Variants in CRYBG1 observed in about 807,000 individuals in gnomAD.
CRYBG1 encodes beta/gamma crystallin domain-containing protein 1.
A neutral mutation model predicts 189.2 loss-of-function variants in CRYBG1; 139 were observed. The observed-to-expected ratio is 0.73, with a 90% CI of 0.64 to 0.85. The LOEUF is 0.85. Among genes scored for constraint, CRYBG1 ranks in the 40% least tolerant of loss-of-function variants. The pLI, the probability that CRYBG1 is intolerant of heterozygous loss-of-function variation, is 0.00. For synonymous variants in CRYBG1, 1,023 were observed against 1,017.1 expected, an observed-to-expected ratio of 1.01 and a Z score of -0.11; for missense variants, 2,611 against 2,675.8, an observed-to-expected ratio of 0.98 and a Z score of 0.53.
intron 2 of CRYBG1, among the ~76,000 whole-genome samples, chr6:106,462,234 T>G (rs555639220): frequency 3.2e-4 from 48 of 152,166 alleles, no homozygotes; most frequent in African/African-American, 8.7e-4. Context: ...GCAGTGGCGC[T>G]ATCTCGGCTC....
At chr6:106,374,604 C>A in intron 1 of CRYBG1, among the ~76,000 whole-genome samples, 1 of 152,076 alleles carries the variant, frequency 6.6e-6, no homozygotes. Flanking sequence ...GATAAAAGAA[C>A]TTAATCCTCA....
At chr6:106,405,565 C>T (rs1292248744) in intron 1 of CRYBG1, among the ~76,000 whole-genome samples, 2 of 152,228 alleles carry the variant, frequency 1.3e-5, no homozygotes, top group African/African-American at 2.4e-5. Context: ...CAAGTGGGTC[C>T]CTGACCCCCG....
At chr6:106,538,740 G>T (rs1218830448) in intron 8 of CRYBG1, among the ~76,000 whole-genome samples, 3 of 151,812 alleles carry the variant, frequency 2.0e-5, no homozygotes, top group Non-Finnish European at 4.4e-5. Context: ...AAAAAAAAAT[G>T]CAAAACTTAG....
intron 2 of CRYBG1, among the ~76,000 whole-genome samples, chr6:106,500,256 T>C (rs535657286): frequency 6.6e-6 from 1 of 152,190 alleles, no homozygotes; most frequent in African/African-American, 2.4e-5. Flanking sequence ...ATAATGGCTA[T>C]ACTAATTTAT....
In CRYBG1 at chr6:106,568,903, T is replaced by C. The variant is rs201957044; in HGVS notation, c.*337T>C. On this transcript the variant is annotated 3_prime_UTR_variant, in exon 22 of 22. Transcript: ENST00000633556. Reference sequence around the variant, plus strand: ...GTACATTTTAAATTATTTCCAAAGATAGTGACAGGAGAGAACTGGAACAAA... The same window carrying C: ...GTACATTTTAAATTATTTCCAAAGACAGTGACAGGAGAGAACTGGAACAAA... 9.8e-5 allele frequency: 20 copies of C among 204,836 alleles called. No individual in the cohort carries two copies. The East Asian group carries it at 2.1e-3, about 21-fold the overall frequency. The allele number at this position is 204,836 out of a possible 1,614,324, so 12.7% of individuals were successfully genotyped here. A position where few individuals can be genotyped will look rare whatever the true frequency, so the allele number is the denominator to read the frequency against.
At chr6:106,362,786 A>G (rs1771905456) in intron 1 of CRYBG1, among the ~76,000 whole-genome samples, 1 of 152,206 alleles carries the variant, frequency 6.6e-6, no homozygotes, top group Admixed American at 6.5e-5. Flanking sequence ...ACAGTATTTA[A>G]TGTACCCAAC....
At chr6:106,472,313 C>G (rs1411827024) in intron 2 of CRYBG1, among the ~76,000 whole-genome samples, 1 of 152,018 alleles carries the variant, frequency 6.6e-6, no homozygotes, top group Non-Finnish European at 1.5e-5. Flanking sequence ...AATTGGATGT[C>G]TATAGATAAA....
intron 2 of CRYBG1, among the ~76,000 whole-genome samples, chr6:106,475,501 T>G (rs574586789): frequency 6.6e-6 from 1 of 152,076 alleles, no homozygotes; most frequent in Non-Finnish European, 1.5e-5. Context: ...TGAGGTGATA[T>G]TTGGGAAGGA....
At chr6:106,436,701 A>G (rs1051277305) in intron 1 of CRYBG1, among the ~76,000 whole-genome samples, 5 of 152,200 alleles carry the variant, frequency 3.3e-5, no homozygotes, top group Non-Finnish European at 4.4e-5. Flanking sequence ...TTACTTAGTC[A>G]TTACCTGAAT....
chr6:106,453,874 C>T (rs976435653), intron 2 of CRYBG1, among the ~76,000 whole-genome samples: 6 of 152,124 alleles, frequency 3.9e-5, no homozygotes, highest in African/African-American at 1.4e-4. Flanking sequence ...GGCTTGAAGC[C>T]GCAGATGAAC....
intron 1 of CRYBG1, among the ~76,000 whole-genome samples, chr6:106,441,939 T>C (rs1189592201): frequency 2.0e-5 from 3 of 152,216 alleles, no homozygotes; most frequent in Non-Finnish European, 4.4e-5. Context: ...TATATTATTA[T>C]CAAAAGGCAT....
chr6:106,472,602 A>T (rs189963579), intron 2 of CRYBG1, among the ~76,000 whole-genome samples: 7 of 148,472 alleles, frequency 4.7e-5, no homozygotes, highest in African/African-American at 1.7e-4. Flanking sequence ...GCTTATTGAA[A>T]AGTATATTCT....
chr6:106,526,810 A>T (rs1773747667), intron 6 of CRYBG1, among the ~76,000 whole-genome samples: 1 of 151,898 alleles, frequency 6.6e-6, no homozygotes, highest in Non-Finnish European at 1.5e-5. Flanking sequence ...GCTTGGTGGC[A>T]CATTCCTGTA....
intron 2 of CRYBG1, among the ~76,000 whole-genome samples, chr6:106,476,313 T>C (rs1442497580): frequency 6.6e-6 from 1 of 152,168 alleles, no homozygotes; most frequent in East Asian, 1.9e-4. Flanking sequence ...TGTGAGTTTG[T>C]TCTCGGGATG....
chr6:106,543,624 T>C, intron 11 of CRYBG1, 27 bp downstream of exon 11: 1 of 1,591,474 alleles, frequency 6.3e-7, no homozygotes, highest in Non-Finnish European at 8.5e-7. Context: ...CTTGTTAGGA[T>C]TTCTTTTTTT....
At chr6:106,490,279 C>T (rs1772691505) in intron 2 of CRYBG1, among the ~76,000 whole-genome samples, 1 of 152,210 alleles carries the variant, frequency 6.6e-6, no homozygotes, top group Admixed American at 6.5e-5. Flanking sequence ...GTGGCATAAC[C>T]ATCTTTAAGC....
intron 1 of CRYBG1, among the ~76,000 whole-genome samples, chr6:106,388,063 T>C (rs1248137982): frequency 6.6e-6 from 1 of 152,200 alleles, no homozygotes; most frequent in Non-Finnish European, 1.5e-5. Flanking sequence ...CAGTTATTAC[T>C]GGCACTCCCT....
At chr6:106,568,410 G>A (rs1582847935) in intron 21 of CRYBG1, 62 bp from the exon 22 acceptor site, 1 of 1,294,122 alleles carries the variant, frequency 7.7e-7, no homozygotes, top group Non-Finnish European at 1.1e-6. Context: ...TAGGGGAATT[G>A]TGTCTGCTAT....
At chr6:106,437,858 C>A (rs1481838205) in intron 1 of CRYBG1, among the ~76,000 whole-genome samples, 1 of 152,154 alleles carries the variant, frequency 6.6e-6, no homozygotes, top group Non-Finnish European at 1.5e-5. Context: ...TCTTTAGCCA[C>A]CAGGAATTAT....
Sources: allele counts gnomAD v4.1 joint callset (sites outside exome capture counted in the v4.1 genomes callset), GRCh38; gene constraint gnomAD v4.1.1; transcripts MANE v1.5; gene names NCBI Gene and HGNC (gene_info 2026-07-23, HGNC 2026-07-21).